The following PLPPR5 variants were observed in gnomAD, a reference collection of about 807,000 sequenced individuals.
PLPPR5 encodes the protein phospholipid phosphatase related 5.
Under a neutral mutation model 33.9 loss-of-function variants are expected in PLPPR5, and 16 were observed. That is an observed-to-expected ratio of 0.47 (90% CI 0.32 to 0.72). PLPPR5 has a LOEUF of 0.72. Among genes scored for constraint, PLPPR5 ranks in the 30% least tolerant of loss-of-function variants. The probability of loss-of-function intolerance (pLI) is 0.03; values close to 1 mark genes in which losing one functional copy is unlikely to be tolerated. For missense variants in PLPPR5, 301 were observed against 406.7 expected (o/e 0.74, Z 2.23); for synonymous variants, 163 against 150.3 (o/e 1.08, Z -0.62).
chr1:98,913,974 C>T (rs1302100408), intron 5 of PLPPR5, among the ~76,000 whole-genome samples: 1 of 152,154 alleles, frequency 6.6e-6, no homozygotes, highest in Non-Finnish European at 1.5e-5. Flanking sequence ...CCAATGGAGT[C>T]TCAGAATCTC....
At chr1:98,952,256 C>A (rs1385114244) in intron 3 of PLPPR5, among the ~76,000 whole-genome samples, 1 of 93,074 alleles carries the variant, frequency 1.1e-5, no homozygotes, top group Non-Finnish European at 2.0e-5. Context: ...GAGCGAGACT[C>A]CGTCTCAGAA....
chr1:98,986,035 T>C (rs546423386), intron 1 of PLPPR5, among the ~76,000 whole-genome samples: 2 of 152,094 alleles, frequency 1.3e-5, no homozygotes, highest in Admixed American at 1.3e-4. Flanking sequence ...ATTTGGAGAA[T>C]GTTAATGGGA....
intron 3 of PLPPR5, among the ~76,000 whole-genome samples, chr1:98,949,228 T>TC (rs1037518684): frequency 5.4e-4 from 82 of 152,052 alleles, no homozygotes; most frequent in African/African-American, 1.9e-3. Context: ...ATTTTTTTTT[T>TC]CCCGGAGAAC....
intron 1 of PLPPR5, among the ~76,000 whole-genome samples, chr1:98,979,831 C>T (rs969260184): frequency 6.6e-6 from 1 of 152,020 alleles, no homozygotes; most frequent in Non-Finnish European, 1.5e-5. Context: ...TATCTTTTCT[C>T]AAATTCACCA....
At chr1:98,993,293 G>A (rs989866882) in intron 1 of PLPPR5, among the ~76,000 whole-genome samples, 3 of 151,860 alleles carry the variant, frequency 2.0e-5, no homozygotes, top group Non-Finnish European at 2.9e-5. Context: ...CTGGATTCAC[G>A]AATCTTTTCC....
intron 1 of PLPPR5, among the ~76,000 whole-genome samples, chr1:99,001,675 T>C (rs200411372): frequency 3.6e-5 from 2 of 55,958 alleles, no homozygotes; most frequent in Non-Finnish European, 9.8e-5. Flanking sequence ...GTTAAAGATA[T>C]ATATATATAT....
At position 98,953,134 on chromosome 1, in the gene PLPPR5, C is replaced by A; in HGVS notation, c.557G>T (p.Arg186Ile). 3 of 1,614,058 alleles carry A rather than the reference C, an allele frequency of 1.9e-6. No homozygotes were observed. The highest frequency in any genetic ancestry group is 2.5e-6 in the Non-Finnish European group (3 of 1,180,010). ...TTTGGATGGAAAGGTTTTTCGGGCT[C>A]TCATGATGAGATCTGGGTTGCCAGT... Reference protein sequence around the residue: ...ACTGNPDLIMRARKTFPSKEA... With the variant: ...ACTGNPDLIMIARKTFPSKEA... Residue 186 changes from arginine (R) to isoleucine (I), a missense_variant, in exon 3 of 6, where the codon AGA (arginine) becomes ATA (isoleucine). Arg to Ile is a moderately conservative substitution (Grantham distance 97). Transcript: ENST00000263177.
chr1:98,939,295 A>ATTAC lies in PLPPR5; in HGVS notation c.621+13774_621+13775insGTAA, dbSNP rs1331146215. ...TGAAAATAATTTTTCCATATAGAGGAAGGGATGCTAAAAGTGATTTGCTTT... is the reference window on the plus strand; with the variant it reads ...TGAAAATAATTTTTCCATATAGAGGATTACAGGGATGCTAAAAGTGATTTGCTTT... On this transcript the variant is annotated intron_variant, in intron 3 of 5. Coordinates refer to ENST00000263177, the MANE Select transcript of PLPPR5 (RefSeq NM_001037317.2). Among the ~76,000 whole-genome samples, 199 of 148,534 alleles carry ATTAC rather than the reference A, an allele frequency of 1.3e-3. 3 individuals are homozygous for ATTAC. The highest frequency in any genetic ancestry group is 2.0e-3 in the Admixed American group (30 of 14,850).
intron 1 of PLPPR5, among the ~76,000 whole-genome samples, chr1:98,991,881 CAAGGGCTTATAGCTAGT>C (rs2100761356): frequency 6.6e-6 from 1 of 152,290 alleles, no homozygotes; most frequent in South Asian, 2.1e-4. Flanking sequence ...TAGACTTTCT[CAAGGGCTTATAGCTAGT>C]AAGCAGCAGA....
intron 1 of PLPPR5, among the ~76,000 whole-genome samples, chr1:99,002,564 C>A (rs1251639012): frequency 5.9e-5 from 9 of 152,024 alleles, no homozygotes; most frequent in Non-Finnish European, 1.2e-4. Flanking sequence ...GAGAAATATA[C>A]GTGACTATGA....
chr1:98,908,791 A>C (rs975343470), intron 5 of PLPPR5, among the ~76,000 whole-genome samples: 6 of 151,904 alleles, frequency 3.9e-5, no homozygotes, highest in Admixed American at 3.3e-4. Context: ...AGCTATCGCC[A>C]AGATTTCCAT....
chr1:99,001,799 T>C (rs1163164827), intron 1 of PLPPR5, among the ~76,000 whole-genome samples: 1 of 150,680 alleles, frequency 6.6e-6, no homozygotes, highest in East Asian at 1.9e-4. Flanking sequence ...ATTTTCATCC[T>C]GTAATAGAAA....
intron 3 of PLPPR5, among the ~76,000 whole-genome samples, chr1:98,942,019 T>C (rs1650389562): frequency 6.7e-6 from 1 of 150,278 alleles, no homozygotes; most frequent in African/African-American, 2.4e-5. Flanking sequence ...CACATATACG[T>C]ATACATATAT....
At chr1:98,959,484 G>C (rs1334938484) in intron 1 of PLPPR5, among the ~76,000 whole-genome samples, 1 of 152,150 alleles carries the variant, frequency 6.6e-6, no homozygotes. Flanking sequence ...AGAATTGAAG[G>C]GCAGGGAGCT....
At chr1:98,938,788 T>C (rs983493926) in intron 3 of PLPPR5, among the ~76,000 whole-genome samples, 1 of 152,104 alleles carries the variant, frequency 6.6e-6, no homozygotes, top group Non-Finnish European at 1.5e-5. Context: ...TGGAATACTA[T>C]GCAGCTGTAA....
chr1:98,902,454 A>G (rs1648730641), intron 5 of PLPPR5, among the ~76,000 whole-genome samples: 1 of 152,162 alleles, frequency 6.6e-6, no homozygotes, highest in South Asian at 2.1e-4. Context: ...GATCATAAAT[A>G]TATGCAAATT....
At chr1:98,954,735 G>T (rs1468695223) in intron 2 of PLPPR5, among the ~76,000 whole-genome samples, 1 of 151,980 alleles carries the variant, frequency 6.6e-6, no homozygotes, top group Non-Finnish European at 1.5e-5. Flanking sequence ...CAAAGTAAAG[G>T]TTATCAAAAT....
intron 5 of PLPPR5, among the ~76,000 whole-genome samples, chr1:98,905,838 T>C (rs568550378): frequency 1.3e-5 from 2 of 152,192 alleles, no homozygotes; most frequent in Non-Finnish European, 2.9e-5. Context: ...TCCTAAATTC[T>C]TGCATAGCTG....
chr1:98,956,552 T>C (rs1227198239), intron 2 of PLPPR5, 57 bp downstream of exon 2: 5 of 1,448,622 alleles, frequency 3.5e-6, no homozygotes, highest in Non-Finnish European at 2.7e-6. Flanking sequence ...TTTTAAGGTT[T>C]AGCTTACACA....
Sources: allele counts gnomAD v4.1 joint callset (sites outside exome capture counted in the v4.1 genomes callset), GRCh38; gene constraint gnomAD v4.1.1; transcripts MANE v1.5; gene names NCBI Gene and HGNC (gene_info 2026-07-23, HGNC 2026-07-21).